Variants in CDH23 observed in about 807,000 individuals in gnomAD.
CDH23 encodes the protein cadherin related 23, also known as cadherin-23.
In CDH23, 189 loss-of-function variants were observed where a neutral mutation model predicts 317.1. The observed-to-expected ratio is 0.60, with a 90% confidence interval of 0.53 to 0.67. CDH23 has a LOEUF of 0.67. Ranked by LOEUF, CDH23 falls within the 30% of genes least tolerant of loss-of-function variation. The probability of loss-of-function intolerance (pLI) is 0.00; values close to 1 mark genes in which losing one functional copy is unlikely to be tolerated. For synonymous variants in CDH23, 1,839 were observed against 1,876.8 expected (o/e 0.98, Z 0.52); for missense variants, 4,401 against 4,592.4 (o/e 0.96, Z 1.20).
intron 38 of CDH23, chr10:71,749,463 T>G (rs1316036083): frequency 6.6e-6 from 1 of 152,274 alleles, no homozygotes; most frequent in African/African-American, 2.4e-5. Context: ...TGTGCCACCA[T>G]GGCCAGCCAG....
At chr10:71,669,874 G>A (rs1454270463) in intron 14 of CDH23, among the ~76,000 whole-genome samples, 1 of 152,118 alleles carries the variant, frequency 6.6e-6, no homozygotes, top group East Asian at 1.9e-4. Flanking sequence ...GGTGGCTCAC[G>A]CCTGTAATCC....
intron 31 of CDH23, 118 bp from the exon 32 acceptor site, chr10:71,731,869 T>G: frequency 9.9e-7 from 1 of 1,012,392 alleles, no homozygotes; most frequent in Middle Eastern, 2.9e-4. Flanking sequence ...CCGGCAGAGG[T>G]GGGGCAGCCC....
intron 69 of CDH23, among the ~76,000 whole-genome samples, chr10:71,814,681 T>TACACACACACAC (rs111594040): frequency 1.4e-5 from 2 of 147,700 alleles, no homozygotes; most frequent in African/African-American, 4.9e-5. Context: ...AAGAAGCCGA[T>TACACACACACAC]ACACACACAC....
chr10:71,653,143 C>T (rs1051442692), intron 14 of CDH23, among the ~76,000 whole-genome samples: 2 of 152,292 alleles, frequency 1.3e-5, no homozygotes. Context: ...CTGGTCCAGC[C>T]CAGCCTCCCT....
chr10:71,542,983 A>C (rs1856066187), intron 6 of CDH23, among the ~76,000 whole-genome samples: 1 of 152,220 alleles, frequency 6.6e-6, no homozygotes, highest in African/African-American at 2.4e-5. Flanking sequence ...ATTGGATGGG[A>C]GTGCCCTTGC....
rs527957874 is a variant in CDH23, at chr10:71,588,593, G to A, written c.832+10601G>A. On this transcript the variant is annotated intron_variant, in intron 9 of 69. Transcript: ENST00000224721. ...AAACAATGCCTGGATTCCTCAGCCT[G>A]TAGGTATTAATGGGGTCTCTAAAAA... Among the ~76,000 whole-genome samples, 4 of 152,266 alleles carry A rather than the reference G, an allele frequency of 2.6e-5. No homozygotes were observed. In the South Asian group the frequency reaches 8.3e-4, roughly 32 times the overall value.
At chr10:71,598,545 C>G (rs1860009033) in intron 9 of CDH23, among the ~76,000 whole-genome samples, 1 of 152,184 alleles carries the variant, frequency 6.6e-6, no homozygotes, top group Non-Finnish European at 1.5e-5. Context: ...TGCCGACAGA[C>G]TAGGGGTCTG....
chr10:71,524,586 G>A (rs1335088241), intron 6 of CDH23, among the ~76,000 whole-genome samples: 2 of 152,156 alleles, frequency 1.3e-5, no homozygotes, highest in Admixed American at 1.3e-4. Flanking sequence ...ACCAAAGATG[G>A]CCACATCAGA....
chr10:71,781,901 G>A (rs138265775), intron 41 of CDH23, among the ~76,000 whole-genome samples: 2 of 152,320 alleles, frequency 1.3e-5, no homozygotes, highest in South Asian at 2.1e-4. Flanking sequence ...CATGGGTCAC[G>A]ACATCCATTT....
Position 71,805,892 on chromosome 10 carries a change from G to A in CDH23, c.7959G>A (p.Leu2653=). ...ACGGGGCGGTGCGCTACAGCTTCCT[G>A]AAGACTGCGGGCAACCGGGACTGGG... ...GLNGAVRYSF[L]KTAGNRDWEF... The change falls in exon 56 of 70, where the codon CTG becomes CTA. Residue 2653 remains leucine (L), a synonymous_variant. Coordinates refer to ENST00000224721, the MANE Select transcript of CDH23 (RefSeq NM_022124.6). 6.2e-7 allele frequency: 1 copy of A among 1,613,786 alleles called. No individual in the cohort carries two copies. The highest frequency in any genetic ancestry group is 1.6e-4 in the Middle Eastern group (1 of 6,062).
At chr10:71,770,909 C>T (rs1239325085) in intron 38 of CDH23, among the ~76,000 whole-genome samples, 1 of 152,186 alleles carries the variant, frequency 6.6e-6, no homozygotes, top group Non-Finnish European at 1.5e-5. Context: ...ATGCCAGGGA[C>T]TGGCCTCAAG....
chr10:71,690,910 C>G (rs532070607), intron 20 of CDH23, among the ~76,000 whole-genome samples: 11 of 152,218 alleles, frequency 7.2e-5, no homozygotes, highest in Non-Finnish European at 1.5e-4. Context: ...GGGTCCCCCT[C>G]CCTCAGCTGC....
intron 6 of CDH23, among the ~76,000 whole-genome samples, chr10:71,517,810 G>A (rs1854422938): frequency 6.6e-6 from 1 of 152,220 alleles, no homozygotes; most frequent in African/African-American, 2.4e-5. Flanking sequence ...CAGCCAGAGT[G>A]GGTTTTTCTG....
In CDH23 at chr10:71,718,906, GA is replaced by G. The variant is rs78421738; in HGVS notation, c.3370-5127del. ...ACATAGTGAGTCTTCATTTCTGAAAGAAAAAAAAAAAAGGTTTTTTAATTAG... is the reference window on the plus strand; with the variant it reads ...ACATAGTGAGTCTTCATTTCTGAAAGAAAAAAAAAAAGGTTTTTTAATTAG... On this transcript the variant is annotated intron_variant, in intron 28 of 69. Transcript: ENST00000224721. 7.0e-3 allele frequency among the ~76,000 whole-genome samples: 979 copies of G among 138,876 alleles called. 12 individuals are homozygous for G. The highest frequency in any genetic ancestry group is 0.022 in the African/African-American group (830 of 38,112). The allele number at this position is 138,876 out of a possible 152,430, so 91.1% of individuals were successfully genotyped here. A position where few individuals can be genotyped will look rare whatever the true frequency, so the allele number is the denominator to read the frequency against.
chr10:71,812,443 T>TACCAACCAAC, intron 66 of CDH23, 37 bp from the exon 67 acceptor site: 8 of 1,537,978 alleles, frequency 5.2e-6, no homozygotes, highest in African/African-American at 1.4e-5. Context: ...ACTCGAGCCT[T>TACCAACCAAC]CCCTCCCTCC....
chr10:71,689,412 A>AC (rs1257698613), intron 19 of CDH23, among the ~76,000 whole-genome samples: 3 of 152,082 alleles, frequency 2.0e-5, no homozygotes, highest in Non-Finnish European at 4.4e-5. Flanking sequence ...CTCCAGCACT[A>AC]CACCCCCATC....
At chr10:71,492,481 T>A (rs1034965213) in intron 3 of CDH23, among the ~76,000 whole-genome samples, 3 of 152,156 alleles carry the variant, frequency 2.0e-5, no homozygotes, top group African/African-American at 7.2e-5. Context: ...ACCCTTACTC[T>A]CTTCTCTCTG....
At chr10:71,670,587 A>C (rs760195698) in intron 14 of CDH23, among the ~76,000 whole-genome samples, 2 of 152,168 alleles carry the variant, frequency 1.3e-5, no homozygotes, top group Admixed American at 6.5e-5. Context: ...AGGCAGTTAC[A>C]GAAGGAAAGG....
chr10:71,556,580 G>A (rs570814850), intron 6 of CDH23, among the ~76,000 whole-genome samples: 2 of 148,684 alleles, frequency 1.3e-5, no homozygotes, highest in South Asian at 2.2e-4. Context: ...AGCGAGACTC[G>A]GTCTCAAAAA....
Sources: allele counts gnomAD v4.1 joint callset (sites outside exome capture counted in the v4.1 genomes callset), GRCh38; gene constraint gnomAD v4.1.1; transcripts MANE v1.5; gene names NCBI Gene and HGNC (gene_info 2026-07-23, HGNC 2026-07-21).